The following FNDC1 variants were observed in gnomAD, a reference collection of about 807,000 sequenced individuals.
FNDC1 encodes the protein fibronectin type III domain containing 1.
A neutral mutation model predicts 168.0 loss-of-function variants in FNDC1; 96 were observed. The observed-to-expected ratio is 0.57, with a 90% confidence interval of 0.48 to 0.68. The LOEUF is 0.68. FNDC1 is among the 30% of genes least tolerant of loss of function. The pLI is 0.00. For synonymous variants in FNDC1, 1,099 were observed against 1,025.9 expected, an observed-to-expected ratio of 1.07 and a Z score of -1.36; for missense variants, 2,587 against 2,482.1, an observed-to-expected ratio of 1.04 and a Z score of -0.90.
chr6:159,195,089 T>G (rs1782217005), intron 1 of FNDC1, among the ~76,000 whole-genome samples: 1 of 152,040 alleles, frequency 6.6e-6, no homozygotes, highest in Non-Finnish European at 1.5e-5. Context: ...TTGAGAACCT[T>G]AAATTCAGAG....
intron 1 of FNDC1, among the ~76,000 whole-genome samples, chr6:159,171,604 A>G (rs1427889604): frequency 6.6e-6 from 1 of 152,218 alleles, no homozygotes; most frequent in African/African-American, 2.4e-5. Context: ...AGCAGGACAC[A>G]CTGAAGATCT....
At chr6:159,257,460 T>G (rs1777399580) in intron 18 of FNDC1, among the ~76,000 whole-genome samples, 1 of 152,228 alleles carries the variant, frequency 6.6e-6, no homozygotes, top group Non-Finnish European at 1.5e-5. Context: ...CACAAGCTGG[T>G]ACAAATGGGT....
chr6:159,186,235 T>C (rs76066676), intron 1 of FNDC1, among the ~76,000 whole-genome samples: 2,160 of 152,250 alleles, frequency 0.014, 53 homozygotes, highest in African/African-American at 0.05. Flanking sequence ...GGGAGTAAAG[T>C]AGGAAGATAA....
At position 159,266,230 on chromosome 6, in the gene FNDC1, A is replaced by G. The variant is rs771132236; in HGVS notation, c.5431A>G (p.Ser1811Gly). ...TTCACTGAGGTATAAAATCTACCTC[A>G]GTGACAACCTGAAAGGTAAGTCTTT... ...CNSLRYKIYL[S>G]DNLKDTFYSI... The change falls in exon 21 of 23, where the codon AGT becomes GGT. Residue 1811 changes from serine (S) to glycine (G), a missense_variant. By Grantham distance (56) the Ser-to-Gly change is moderately conservative (BLOSUM62 0). Coordinates refer to ENST00000297267, the MANE Select transcript of FNDC1 (RefSeq NM_032532.3). 1.2e-6 allele frequency: 2 copies of G among 1,613,890 alleles called. No individual in the cohort carries two copies. Among genetic ancestry groups the G allele is most frequent in the Non-Finnish European group, 1.7e-6 (2 of 1,179,864 alleles).
At position 159,234,435 on chromosome 6, in the gene FNDC1, G is replaced by C; in HGVS notation, c.3923G>C (p.Arg1308Pro). Residue 1308 changes from arginine to proline, a missense_variant, in exon 11 of 23, where the codon CGT becomes CCT. Arg to Pro is a moderately radical substitution (Grantham distance 103). Transcript: ENST00000297267. ...CAGAGGATGATGCATGCCAGATTCC[G>C]TAACCCTCTCTCCCGACAGCCTGCC... ...LRQRMMHARF[R>P]NPLSRQPARP... is the part of the protein sequence containing the mutation. 2 of 1,613,588 alleles carry C rather than the reference G, an allele frequency of 1.2e-6. No homozygotes were observed. Among genetic ancestry groups the C allele is most frequent in the East Asian group, 2.2e-5 (1 of 44,886 alleles).
intron 22 of FNDC1, among the ~76,000 whole-genome samples, chr6:159,269,966 G>T (rs1006593585): frequency 6.6e-6 from 1 of 152,186 alleles, no homozygotes; most frequent in African/African-American, 2.4e-5. Context: ...GATGTGGGAG[G>T]ATTGCTTGAG....
intron 2 of FNDC1, among the ~76,000 whole-genome samples, chr6:159,198,883 C>T (rs1159667921): frequency 1.3e-5 from 2 of 152,234 alleles, no homozygotes; most frequent in Admixed American, 1.3e-4. Context: ...CCCCATTAGC[C>T]TGGCAGGTCG....
In FNDC1 at chr6:159,236,278, G is replaced by C; in HGVS notation, c.4031G>C (p.Gly1344Ala). Residue 1344 changes from glycine to alanine, a missense_variant, in exon 12 of 23, where the codon GGA becomes GCA. Transcript: ENST00000297267. ...CCTGGTAGTAATGGAAAACCGAATG[G>C]ACAGAGAATTATCAATGGCCCTCAA... Reference protein sequence around the residue: ...VLPGSNGKPNGQRIINGPQGT... With the variant: ...VLPGSNGKPNAQRIINGPQGT... 2 of 1,613,722 alleles carry C rather than the reference G, an allele frequency of 1.2e-6. No homozygotes were observed. Among genetic ancestry groups the C allele is most frequent in the Non-Finnish European group, 1.7e-6 (2 of 1,179,740 alleles).
In FNDC1 at chr6:159,232,246, T is replaced by C; in HGVS notation, c.1734T>C (p.Ala578=). 1.2e-6 allele frequency: 2 copies of C among 1,610,738 alleles called. No individual in the cohort carries two copies. Among genetic ancestry groups the C allele is most frequent in the Non-Finnish European group, 1.7e-6 (2 of 1,178,658 alleles). The change falls in exon 11 of 23, where the codon GCT becomes GCC. Residue 578 remains alanine (A), a synonymous_variant. Coordinates refer to ENST00000297267, the MANE Select transcript of FNDC1 (RefSeq NM_032532.3). The surrounding 1 kb of genome is among the most constrained non-coding windows in gnomAD (Gnocchi z 4.9). ...PPSRHGHSVV[A]PGRTAVRARM... ...GTAGACACGGCCACTCGGTGGTTGC[T>C]CCCGGCAGGACTGCAGTGAGGGCCC...
chr6:159,182,962 C>T (rs1225040759), intron 1 of FNDC1, among the ~76,000 whole-genome samples: 1 of 152,228 alleles, frequency 6.6e-6, no homozygotes, highest in Admixed American at 6.5e-5. Context: ...AATGCCAGCT[C>T]TGCTGTGTGC....
intron 5 of FNDC1, among the ~76,000 whole-genome samples, chr6:159,216,309 C>T (rs1403115841): frequency 6.6e-6 from 1 of 152,184 alleles, no homozygotes; most frequent in Non-Finnish European, 1.5e-5. Flanking sequence ...CAGTATTAAC[C>T]ATCACACAGG....
intron 1 of FNDC1, among the ~76,000 whole-genome samples, chr6:159,189,930 G>T (rs1006837493): frequency 6.6e-6 from 1 of 152,164 alleles, no homozygotes; most frequent in Non-Finnish European, 1.5e-5. Context: ...AGCATAAACT[G>T]GGCAAAATTT....
At chr6:159,224,387 G>A (rs1423639652) in intron 7 of FNDC1, among the ~76,000 whole-genome samples, 3 of 152,172 alleles carry the variant, frequency 2.0e-5, no homozygotes, top group East Asian at 1.9e-4. Flanking sequence ...AGCCACAGAT[G>A]TGGTGGTCTG....
intron 5 of FNDC1, among the ~76,000 whole-genome samples, chr6:159,216,967 C>T (rs1782721689): frequency 6.6e-6 from 1 of 152,236 alleles, no homozygotes; most frequent in Admixed American, 6.5e-5. Flanking sequence ...CTTACCTGGT[C>T]TCTTCCCTTG....
chr6:159,184,370 G>A (rs930092169), intron 1 of FNDC1, among the ~76,000 whole-genome samples: 1 of 152,064 alleles, frequency 6.6e-6, no homozygotes, highest in African/African-American at 2.4e-5. Context: ...ATTACAAACG[G>A]ATCCAAAACT....
chr6:159,241,474 A>G (rs1370215143), intron 14 of FNDC1, among the ~76,000 whole-genome samples: 1 of 152,124 alleles, frequency 6.6e-6, no homozygotes, highest in Non-Finnish European at 1.5e-5. Flanking sequence ...CATAACATAT[A>G]TATGTTCACT....
chr6:159,180,387 T>C (rs1781854834), intron 1 of FNDC1, among the ~76,000 whole-genome samples: 1 of 152,226 alleles, frequency 6.6e-6, no homozygotes, highest in South Asian at 2.1e-4. Context: ...GGTTAGAATT[T>C]CAATATATTT....
Position 159,255,436 on chromosome 6 carries a change from C to T in FNDC1, c.5066-1087C>T, listed in dbSNP as rs547120107. Among the ~76,000 whole-genome samples the T allele has an allele frequency of 2.6e-5, 4 of 152,344 alleles. No individual in the cohort carries two copies. In the South Asian group the frequency reaches 8.3e-4, roughly 32 times the overall value. ...GGTGGGCCAGCTCCCGCTACACACC[C>T]TCTCACAGCATCGTGGACTGGTCCT... On this transcript the variant is annotated intron_variant, in intron 17 of 22. Coordinates refer to ENST00000297267, the MANE Select transcript of FNDC1 (RefSeq NM_032532.3).
chr6:159,234,991 C>G (rs759300040), intron 11 of FNDC1, among the ~76,000 whole-genome samples: 2 of 152,248 alleles, frequency 1.3e-5, no homozygotes, highest in Non-Finnish European at 2.9e-5. Context: ...TTGTTCTCAT[C>G]TTCTGCATGC....
Sources: allele counts gnomAD v4.1 joint callset (sites outside exome capture counted in the v4.1 genomes callset), GRCh38; gene constraint gnomAD v4.1.1; non-coding constraint Gnocchi (gnomAD v3.1); transcripts MANE v1.5; gene names NCBI Gene and HGNC (gene_info 2026-07-23, HGNC 2026-07-21).